MLIP: variants seen among roughly 807,000 people sequenced by gnomAD.
MLIP encodes the protein muscular LMNA interacting protein.
MLIP carries 79 observed loss-of-function variants against 84.8 expected under a neutral mutation model. The ratio of observed to expected loss-of-function variants is 0.93; its 90% CI spans 0.78 to 1.12. The LOEUF (loss-of-function observed/expected upper bound fraction) is 1.12. MLIP is among the 50% of genes most tolerant of loss of function. MLIP has a pLI of 0.00. For synonymous variants in MLIP, 504 were observed against 463.0 expected (o/e 1.09, Z -1.14); for missense variants, 1,257 against 1,160.6 (o/e 1.08, Z -1.21).
chr6:54,136,200 C>A (rs1382059488), intron 3 of MLIP, among the ~76,000 whole-genome samples: 1 of 152,138 alleles, frequency 6.6e-6, no homozygotes, highest in East Asian at 1.9e-4. Context: ...GAATTCCAGG[C>A]ACTTTTCCAA....
intron 1 of MLIP, among the ~76,000 whole-genome samples, chr6:54,117,361 C>T (rs1462370557): frequency 2.0e-5 from 3 of 151,424 alleles, no homozygotes; most frequent in Admixed American, 1.3e-4. Flanking sequence ...ACTACAGGCA[C>T]CCGCCACGAC....
chr6:54,090,684 T>A (rs1472680110), intron 1 of MLIP, among the ~76,000 whole-genome samples: 2 of 150,552 alleles, frequency 1.3e-5, no homozygotes, highest in East Asian at 2.0e-4. Flanking sequence ...TGTGTGTGTG[T>A]GAGACAGAGA....
chr6:54,211,617 C>T (rs1245102910), intron 11 of MLIP, among the ~76,000 whole-genome samples: 1 of 152,286 alleles, frequency 6.6e-6, no homozygotes, highest in Admixed American at 6.5e-5. Flanking sequence ...AAACCTGAAT[C>T]TCATCAGTGA....
intron 1 of MLIP, among the ~76,000 whole-genome samples, chr6:54,104,665 C>T (rs987727006): frequency 2.0e-5 from 3 of 152,130 alleles, no homozygotes; most frequent in Non-Finnish European, 4.4e-5. Context: ...TGCTCTCTTC[C>T]CAGCCAAGAC....
intron 1 of MLIP, among the ~76,000 whole-genome samples, chr6:54,031,214 A>ATT (rs11445592): frequency 2.1e-4 from 32 of 151,486 alleles, no homozygotes; most frequent in African/African-American, 4.4e-4. Context: ...GCTCAGAGTA[A>ATT]TTTTTTTTTG....
intron 1 of MLIP, chr6:54,099,627 C>T (rs995354383): frequency 1.3e-5 from 2 of 152,232 alleles, no homozygotes; most frequent in South Asian, 2.1e-4. Flanking sequence ...TTTATTAATG[C>T]CAATGTGTGC....
At chr6:54,075,759 C>T (rs1766765787) in intron 1 of MLIP, among the ~76,000 whole-genome samples, 1 of 152,148 alleles carries the variant, frequency 6.6e-6, no homozygotes, top group Non-Finnish European at 1.5e-5. Context: ...CATATGGGCT[C>T]CTGGTCTCTC....
At chr6:54,086,706 C>T (rs1240397214) in intron 1 of MLIP, among the ~76,000 whole-genome samples, 1 of 152,204 alleles carries the variant, frequency 6.6e-6, no homozygotes, top group African/African-American at 2.4e-5. Flanking sequence ...TTTCTCCAGC[C>T]ACACCAGCCT....
intron 1 of MLIP, among the ~76,000 whole-genome samples, chr6:54,067,373 G>A (rs1327352452): frequency 4.9e-5 from 5 of 101,290 alleles, no homozygotes; most frequent in African/African-American, 1.3e-4. Context: ...TGCCCAACAA[G>A]TTCAACAAAA....
chr6:54,202,166 AG>A lies in MLIP; in HGVS notation c.2653del (p.Glu885LysfsTer24). ...TCCAGAATATTACTGAAAAAAGAGG[AG>A]GAAGTCTATGAACCCAACCCTTTCA... ...VKSRILLKKE[E>X]EVYEPNPFSK... On this transcript the variant is annotated frameshift_variant, in exon 11 of 14. Coordinates refer to ENST00000502396, the MANE Select transcript of MLIP (RefSeq NM_001281747.2). LOFTEE classifies it high-confidence loss of function. 6.2e-7 allele frequency: 1 copy of A among 1,603,294 alleles called. No individual in the cohort carries two copies. Among genetic ancestry groups the A allele is most frequent in the Non-Finnish European group, 8.5e-7 (1 of 1,173,782 alleles).
chr6:54,265,309 T>C (rs1783622948), intron 13 of MLIP, among the ~76,000 whole-genome samples: 1 of 152,108 alleles, frequency 6.6e-6, no homozygotes, highest in Admixed American at 6.6e-5. Flanking sequence ...CATCTTCCAC[T>C]CAATTAAGTT....
chr6:54,107,541 G>A (rs866284361), upstream of MLIP, among the ~76,000 whole-genome samples: 1 of 152,166 alleles, frequency 6.6e-6, no homozygotes, highest in Non-Finnish European at 1.5e-5. Flanking sequence ...AGAGGAAAAA[G>A]GGCTGAGCAG....
At chr6:54,126,466 C>T (rs1770927961) in intron 3 of MLIP, among the ~76,000 whole-genome samples, 1 of 151,722 alleles carries the variant, frequency 6.6e-6, no homozygotes, top group Non-Finnish European at 1.5e-5. Context: ...AGAGCTCAAC[C>T]TCATATATTA....
chr6:54,228,154 G>A (rs1472920421), intron 11 of MLIP, among the ~76,000 whole-genome samples: 3 of 105,264 alleles, frequency 2.8e-5, no homozygotes, highest in South Asian at 3.4e-4. Context: ...CTGCTCTCCA[G>A]CCTGGGCGAC....
chr6:54,123,876 G>A (rs1488044505), intron 2 of MLIP, among the ~76,000 whole-genome samples: 1 of 152,200 alleles, frequency 6.6e-6, no homozygotes, highest in Non-Finnish European at 1.5e-5. Context: ...GGAAAAGACT[G>A]AGAATTACAA....
intron 12 of MLIP, among the ~76,000 whole-genome samples, chr6:54,250,278 C>T (rs141205422): frequency 2.0e-5 from 3 of 152,046 alleles, no homozygotes; most frequent in Admixed American, 6.6e-5. Flanking sequence ...CAAATTAGTT[C>T]GACCATGTGG....
chr6:54,228,659 G>T (rs982133106), intron 11 of MLIP, among the ~76,000 whole-genome samples: 3 of 152,242 alleles, frequency 2.0e-5, no homozygotes, highest in Non-Finnish European at 4.4e-5. Flanking sequence ...GATTCCGCCA[G>T]ATAAGCGCAT....
intron 1 of MLIP, among the ~76,000 whole-genome samples, chr6:54,086,749 C>T (rs1428323943): frequency 6.6e-6 from 1 of 152,146 alleles, no homozygotes; most frequent in Non-Finnish European, 1.5e-5. Flanking sequence ...AGCCTCCTAC[C>T]TTTGGTTCTT....
chr6:54,066,974 GA>G (rs199703032), intron 1 of MLIP, among the ~76,000 whole-genome samples: 1,102 of 99,736 alleles, frequency 0.011, 387 homozygotes, highest in South Asian at 0.022. Flanking sequence ...ATATCCAGAG[GA>G]AAAAAAATCT....
Sources: allele counts gnomAD v4.1 joint callset (sites outside exome capture counted in the v4.1 genomes callset), GRCh38; gene constraint gnomAD v4.1.1; transcripts MANE v1.5; gene names NCBI Gene and HGNC (gene_info 2026-07-23, HGNC 2026-07-21).